The following PGBD5 variants were observed in gnomAD, a reference collection of about 807,000 sequenced individuals.
The protein encoded by PGBD5 is piggyBac transposable element-derived protein 5.
Under a neutral mutation model 47.9 loss-of-function variants are expected in PGBD5, and 14 were observed. That is an observed-to-expected ratio of 0.29 (90% confidence interval 0.19 to 0.46). The LOEUF (loss-of-function observed/expected upper bound fraction) is 0.46. Among genes scored for constraint, PGBD5 ranks in the 20% least tolerant of loss-of-function variants. PGBD5 has a pLI of 1.00. For synonymous variants in PGBD5, 316 were observed against 306.3 expected (o/e 1.03, Z -0.33); for missense variants, 635 against 716.0 (o/e 0.89, Z 1.29).
At chr1:230,358,256 G>A (rs1412706217) in intron 1 of PGBD5, among the ~76,000 whole-genome samples, 1 of 151,968 alleles carries the variant, frequency 6.6e-6, no homozygotes, top group South Asian at 2.1e-4. Flanking sequence ...TGGCACATTC[G>A]GTAAATACTG....
At chr1:230,339,546 A>G (rs1033073196) in intron 3 of PGBD5, among the ~76,000 whole-genome samples, 2 of 152,200 alleles carry the variant, frequency 1.3e-5, no homozygotes, top group African/African-American at 2.4e-5. Flanking sequence ...TCTCTAAGAG[A>G]TACCTGCACT....
Position 230,425,621 on chromosome 1 carries a change from G to A in PGBD5, c.308C>T (p.Pro103Leu), listed in dbSNP as rs1284653014. 2 of 1,220,066 alleles carry A rather than the reference G, an allele frequency of 1.6e-6. No homozygotes were observed. Among genetic ancestry groups the A allele is most frequent in the Non-Finnish European group, 2.0e-6 (2 of 980,524 alleles). The allele number at this position is 1,220,066 out of a possible 1,614,324, so 75.6% of individuals were successfully genotyped here. The change falls in exon 1 of 7, where the codon CCC (proline) becomes CTC (leucine). Residue 103 changes from proline to leucine, a missense_variant. By Grantham distance (98) the Pro-to-Leu change is moderately conservative. Coordinates refer to ENST00000391860, the MANE Select transcript of PGBD5 (RefSeq NM_001258311.2). This position sits in a 1 kb window ranked among gnomAD's most constrained non-coding sequence, Gnocchi z 4.7. ...GWSAALRDRP[P>L]PRFEDTGGPT... is the part of the protein sequence containing the mutation. The stretch of plus-strand genomic sequence containing the variant: ...ACCGCCGGTATCCTCGAAGCGCGGG[G>A]GCGGGCGGTCCCGCAGCGCTGCGCT...
intron 1 of PGBD5, among the ~76,000 whole-genome samples, chr1:230,397,512 T>C (rs924203869): frequency 1.3e-5 from 2 of 152,220 alleles, no homozygotes; most frequent in African/African-American, 4.8e-5. Context: ...AATCTTTAAA[T>C]GGCAAATTAA....
chr1:230,407,531 A>C (rs1657324132), intron 1 of PGBD5, among the ~76,000 whole-genome samples: 1 of 152,212 alleles, frequency 6.6e-6, no homozygotes, highest in South Asian at 2.1e-4. Flanking sequence ...TGCTGGATTA[A>C]TGAGGAAATC....
intron 1 of PGBD5, chr1:230,362,335 G>T: frequency 1.5e-6 from 2 of 1,367,622 alleles, no homozygotes; most frequent in Non-Finnish European, 9.8e-7. Flanking sequence ...ATTATAGGGC[G>T]GCCGAGGCGT....
intron 1 of PGBD5, among the ~76,000 whole-genome samples, chr1:230,389,320 G>A (rs935906654): frequency 2.0e-5 from 3 of 152,002 alleles, no homozygotes; most frequent in Non-Finnish European, 4.4e-5. Context: ...TTACAGGCGC[G>A]TGCCACCATG....
chr1:230,424,424 T>C (rs964919952), intron 1 of PGBD5, among the ~76,000 whole-genome samples: 9 of 152,220 alleles, frequency 5.9e-5, no homozygotes, highest in African/African-American at 2.2e-4. Context: ...GCTCCGCGCA[T>C]CCACACCGCA....
In PGBD5 at chr1:230,318,867, T is replaced by C. The variant is rs894717321; in HGVS notation, c.*4558A>G. On this transcript the variant is annotated 3_prime_UTR_variant, in exon 7 of 7. Transcript: ENST00000391860. Reference sequence around the variant, plus strand: ...AATGCCCCCCAGAATAGTGGCTCCCTACCAGGCTAACTTCAGCTTCAGTAG... The same window carrying C: ...AATGCCCCCCAGAATAGTGGCTCCCCACCAGGCTAACTTCAGCTTCAGTAG... 1.3e-5 allele frequency: 2 copies of C among 152,290 alleles called. No homozygotes were observed. The highest frequency in any genetic ancestry group is 4.8e-5 in the African/African-American group (2 of 41,468). 9.4% of individuals were successfully genotyped at this position (152,290 alleles called of 1,614,324 possible).
At position 230,356,914 on chromosome 1, in the gene PGBD5, A is replaced by G; in HGVS notation, c.739T>C (p.Phe247Leu). The part of the protein sequence containing the change: ...DSLQNSFDSA[F>L]RPSQTQVLHE... The stretch of plus-strand genomic sequence containing the variant: ...CTCACCTGGGTTTGGGAAGGCCTGA[A>G]GGCAGAGTCGAAGCTGTTCTGCAGG... The change falls in exon 2 of 7, where the codon TTC becomes CTC. Residue 247 changes from phenylalanine to leucine, a missense_variant. Transcript: ENST00000391860. The G allele has an allele frequency of 6.2e-7, 1 of 1,613,738 alleles. No homozygotes were observed. Among genetic ancestry groups the G allele is most frequent in the Non-Finnish European group, 8.5e-7 (1 of 1,179,700 alleles).
chr1:230,372,445 C>T lies in PGBD5; in HGVS notation c.332-15124G>A, dbSNP rs182741628. The stretch of plus-strand genomic sequence containing the variant: ...GCTGTTAGACGCAGAACACTATAAG[C>T]CATACCTAGCAACATGCAAGATAAA... On this transcript the variant is annotated intron_variant, in intron 1 of 6. Transcript: ENST00000391860. Among the ~76,000 whole-genome samples the T allele has an allele frequency of 2.0e-3, 297 of 152,288 alleles. 4 individuals are homozygous for T. The highest frequency in any genetic ancestry group is 6.5e-3 in the African/African-American group (271 of 41,554).
intron 1 of PGBD5, among the ~76,000 whole-genome samples, chr1:230,401,295 G>C (rs1657132039): frequency 6.6e-6 from 1 of 152,232 alleles, no homozygotes. Context: ...ACTGGACACA[G>C]GTGGCGCTCA....
Position 230,316,484 on chromosome 1 carries a change from T to C in PGBD5, c.*6941A>G, listed in dbSNP as rs960879499. The C allele has an allele frequency of 6.6e-6, 1 of 152,220 alleles. No homozygotes were observed. Among genetic ancestry groups the C allele is most frequent in the Non-Finnish European group, 1.5e-5 (1 of 68,048 alleles). 9.4% of individuals were successfully genotyped at this position (152,220 alleles called of 1,614,324 possible). ...CCTGCTTCCATCCCCTGTTCATTCC[T>C]TCCGTGGTCTACCCACTGGGAGGGA... On this transcript the variant is annotated 3_prime_UTR_variant, in exon 7 of 7. Transcript: ENST00000391860.
At chr1:230,345,917 T>C (rs1342500133) in intron 3 of PGBD5, among the ~76,000 whole-genome samples, 2 of 152,208 alleles carry the variant, frequency 1.3e-5, no homozygotes, top group African/African-American at 4.8e-5. Context: ...AGGCAGGGTC[T>C]CACTATGTTG....
chr1:230,406,249 A>C (rs1183890277), intron 1 of PGBD5, among the ~76,000 whole-genome samples: 1 of 146,354 alleles, frequency 6.8e-6, no homozygotes, highest in East Asian at 2.1e-4. Context: ...CAGAGCTTGC[A>C]GTGAGCCGAG....
At chr1:230,358,232 A>C (rs1378305002) in intron 1 of PGBD5, among the ~76,000 whole-genome samples, 1 of 152,074 alleles carries the variant, frequency 6.6e-6, no homozygotes, top group East Asian at 1.9e-4. Flanking sequence ...GTAGAATGCA[A>C]ATTCTTACAA....
chr1:230,405,765 C>T (rs894061643), intron 1 of PGBD5, among the ~76,000 whole-genome samples: 6 of 152,206 alleles, frequency 3.9e-5, no homozygotes, highest in Admixed American at 2.6e-4. Flanking sequence ...ATGAGCCAAA[C>T]GGTCTTGGGC....
chr1:230,377,447 T>C (rs1360554451), intron 1 of PGBD5: 1 of 1,582,452 alleles, frequency 6.3e-7, no homozygotes, highest in Admixed American at 1.7e-5. Context: ...AACACATGGA[T>C]GAAAAGATCT....
At chr1:230,377,346 G>C in intron 1 of PGBD5, 1 of 837,202 alleles carries the variant, frequency 1.2e-6, no homozygotes, top group Non-Finnish European at 1.9e-6. Context: ...GCACAAAGAA[G>C]CAATGGCCAT....
chr1:230,348,554 G>A (rs145370760), intron 3 of PGBD5, among the ~76,000 whole-genome samples: 17 of 152,334 alleles, frequency 1.1e-4, no homozygotes, highest in African/African-American at 3.6e-4. Flanking sequence ...AAGCTCTGAC[G>A]GTGTAAGGTA....
Sources: allele counts gnomAD v4.1 joint callset (sites outside exome capture counted in the v4.1 genomes callset), GRCh38; gene constraint gnomAD v4.1.1; non-coding constraint Gnocchi (gnomAD v3.1); transcripts MANE v1.5; gene names NCBI Gene and HGNC (gene_info 2026-07-23, HGNC 2026-07-21).